The following KY variants were observed in gnomAD, a reference collection of about 807,000 sequenced individuals.
The protein encoded by KY is kyphoscoliosis peptidase.
A neutral mutation model predicts 76.1 loss-of-function variants in KY; 43 were observed. The ratio of observed to expected loss-of-function variants is 0.57; its 90% CI spans 0.44 to 0.73. The LOEUF is 0.73. KY is among the 30% of genes least tolerant of loss of function. The probability of loss-of-function intolerance (pLI) is 0.00; values close to 1 mark genes in which losing one functional copy is unlikely to be tolerated. For missense variants in KY, 722 were observed against 828.9 expected, an observed-to-expected ratio of 0.87 and a Z score of 1.58; for synonymous variants, 277 against 326.2, an observed-to-expected ratio of 0.85 and a Z score of 1.63.
rs371587266 is a variant in KY, at chr3:134,620,780, G to A, written c.561C>T (p.Arg187=). 1.3e-4 allele frequency: 204 copies of A among 1,613,704 alleles called. No homozygotes were observed. The African/African-American group carries it at 1.7e-3, about 13-fold the overall frequency. Reference sequence around the variant, plus strand: ...GATGGCAGATCCAGATCCAGATGGCGCGGACCCTTTCCAGGTCAGTGTGGG... The same window carrying A: ...GATGGCAGATCCAGATCCAGATGGCACGGACCCTTTCCAGGTCAGTGTGGG... ...QEAHTDLERV[R]AIWIWICHHI... is the part of the protein sequence containing the mutation. Residue 187 remains arginine (R), a synonymous_variant, in exon 7 of 11, where the codon CGC becomes CGT. Transcript: ENST00000423778.
chr3:134,632,882 A>G (rs4543053), intron 3 of KY, among the ~76,000 whole-genome samples: 92,743 of 151,744 alleles, frequency 0.61, 28,958 homozygotes, highest in East Asian at 0.85. Flanking sequence ...AAGAGGCAAG[A>G]CACAAATCAG....
Position 134,619,217 on chromosome 3 carries a change from G to A in KY, c.641C>T (p.Pro214Leu). Residue 214 changes from proline (P) to leucine (L), a missense_variant, in exon 8 of 11, where the codon CCC becomes CTC. Pro to Leu is a moderately conservative substitution (Grantham distance 98). Around this residue, in one of 2 missense-constraint regions of KY, gnomAD observed 552 missense variants for 680.9 expected, o/e 0.81. Transcript: ENST00000423778. ...CTTCTGGGTCCGCAGGATGTCAGTG[G>A]GTTTGAAGGCTTGGCGGTCCTTCTC... ...AQEKDRQAFKPTDILRTQKTN... is the reference protein window; with the variant it reads ...AQEKDRQAFKLTDILRTQKTN... 1.2e-6 allele frequency: 2 copies of A among 1,613,954 alleles called. No homozygotes were observed. Among genetic ancestry groups the A allele is most frequent in the Non-Finnish European group, 1.7e-6 (2 of 1,179,876 alleles).
At position 134,601,429 on chromosome 3, in the gene KY, A is replaced by G. The variant is rs973103335; in HGVS notation, c.*2150T>C. ...TGGGGGTCTCCAGCAGGACTAAGCG[A>G]GGCAGCCAGCGCGGGGTCCAGTGAG... On this transcript the variant is annotated 3_prime_UTR_variant, in exon 11 of 11. Transcript: ENST00000423778. 6.6e-6 allele frequency among the ~76,000 whole-genome samples: 1 copy of G among 152,216 alleles called. No individual in the cohort carries two copies. The highest frequency in any genetic ancestry group is 1.5e-5 in the Non-Finnish European group (1 of 68,044).
chr3:134,628,742 C>G (rs75082788), intron 4 of KY, among the ~76,000 whole-genome samples: 1 of 152,098 alleles, frequency 6.6e-6, no homozygotes, highest in Non-Finnish European at 1.5e-5. Flanking sequence ...GAGGCAGATT[C>G]GCTTATTTTC....
At position 134,603,794 on chromosome 3, in the gene KY, C is replaced by T. The variant is rs1959074344; in HGVS notation, c.1771G>A (p.Ala591Thr). 2 of 1,613,116 alleles carry T rather than the reference C, an allele frequency of 1.2e-6. No homozygotes were observed. Among genetic ancestry groups the T allele is most frequent in the East Asian group, 2.2e-5 (1 of 44,878 alleles). ...LLEPLSGVLP[A>T]NRNVPFKLKL... is the part of the protein sequence containing the mutation. The stretch of plus-strand genomic sequence containing the variant: ...AATTTGAATGGGACATTCCGGTTGG[C>T]AGGAAGCACACCTGACAGAGGTTCC... The change falls in exon 11 of 11, where the codon GCC (alanine) becomes ACC (threonine). Residue 591 changes from alanine (A) to threonine (T), a missense_variant. Coordinates refer to ENST00000423778, the MANE Select transcript of KY (RefSeq NM_178554.6).
intron 1 of KY, among the ~76,000 whole-genome samples, chr3:134,649,420 C>T (rs1389913392): frequency 2.0e-5 from 3 of 152,124 alleles, no homozygotes; most frequent in Admixed American, 2.0e-4. Context: ...GTAGGGGACT[C>T]GTGGGCTGAC....
chr3:134,609,175 G>C (rs1039827389), intron 9 of KY, among the ~76,000 whole-genome samples: 2 of 152,204 alleles, frequency 1.3e-5, no homozygotes, highest in Admixed American at 6.5e-5. Flanking sequence ...CAGTGGGGTC[G>C]TGGGAAGGCA....
intron 10 of KY, among the ~76,000 whole-genome samples, chr3:134,606,845 G>A (rs937548748): frequency 6.6e-6 from 1 of 151,014 alleles, no homozygotes; most frequent in Non-Finnish European, 1.5e-5. Flanking sequence ...CCCCTCCACG[G>A]CACTCTCCTA....
Position 134,608,716 on chromosome 3 carries a change from A to G in KY, c.1023T>C (p.Tyr341=), listed in dbSNP as rs753386220. Residue 341 remains tyrosine (Y), a synonymous_variant, in exon 10 of 11, where the codon TAT becomes TAC. Transcript: ENST00000423778. ...CTTTGTTGTAGAATTCACTCTTGTGATACATGTTGTTCTCAAACTGCCTCA... is the reference window on the plus strand; with the variant it reads ...CTTTGTTGTAGAATTCACTCTTGTGGTACATGTTGTTCTCAAACTGCCTCA... ...QSLRQFENNM[Y]HKSEFYNKGM... 1 of 1,613,878 alleles carries G rather than the reference A, an allele frequency of 6.2e-7. No homozygotes were observed. The highest frequency in any genetic ancestry group is 8.5e-7 in the Non-Finnish European group (1 of 1,179,888).
chr3:134,603,476 C>T lies in KY; in HGVS notation c.*103G>A. On this transcript the variant is annotated 3_prime_UTR_variant, in exon 11 of 11. Coordinates refer to ENST00000423778, the MANE Select transcript of KY (RefSeq NM_178554.6). ...TGAGGCAGAGGCCTAGAAGGGATTTCATGCAGACTCAGTGGTGTCCAGGGC... is the reference window on the plus strand; with the variant it reads ...TGAGGCAGAGGCCTAGAAGGGATTTTATGCAGACTCAGTGGTGTCCAGGGC... 2 of 1,031,776 alleles carry T rather than the reference C, an allele frequency of 1.9e-6. No individual in the cohort carries two copies. Among genetic ancestry groups the T allele is most frequent in the Non-Finnish European group, 2.8e-6 (2 of 706,932 alleles). 63.9% of individuals were successfully genotyped at this position (1,031,776 alleles called of 1,614,324 possible). A position where few individuals can be genotyped will look rare whatever the true frequency, so the allele number is the denominator to read the frequency against.
At chr3:134,619,619 C>T (rs1962231058) in intron 7 of KY, among the ~76,000 whole-genome samples, 1 of 152,200 alleles carries the variant, frequency 6.6e-6, no homozygotes, top group Admixed American at 6.5e-5. Context: ...TCCTGCAGCC[C>T]GAAGGCCTCA....
intron 2 of KY, 79 bp downstream of exon 2, chr3:134,647,356 C>A (rs879764127): frequency 1.7e-6 from 2 of 1,184,942 alleles, no homozygotes; most frequent in Non-Finnish European, 2.5e-6. Context: ...GGCTAGTCTT[C>A]AAATGAGTGA....
At position 134,620,200 on chromosome 3, in the gene KY, A is replaced by G. The variant is rs1457474387; in HGVS notation, c.592+549T>C. Among the ~76,000 whole-genome samples, 3 of 152,102 alleles carry G rather than the reference A, an allele frequency of 2.0e-5. No homozygotes were observed. In the East Asian group the frequency reaches 5.8e-4, roughly 29 times the overall value. Reference sequence around the variant, plus strand: ...AGCTTCCCAAGGCCATCCTGTGGAGAGCTGTGGGCAGCTGCATAGGCCCAG... The same window carrying G: ...AGCTTCCCAAGGCCATCCTGTGGAGGGCTGTGGGCAGCTGCATAGGCCCAG... On this transcript the variant is annotated intron_variant, in intron 7 of 10. Coordinates refer to ENST00000423778, the MANE Select transcript of KY (RefSeq NM_178554.6).
intron 1 of KY, among the ~76,000 whole-genome samples, chr3:134,647,776 A>T (rs1476320491): frequency 1.3e-5 from 2 of 151,986 alleles, no homozygotes; most frequent in Admixed American, 6.5e-5. Context: ...TTCCACTTCC[A>T]CCTCTCCACT....
In KY at chr3:134,610,475, C is replaced by T. The variant is rs537764808; in HGVS notation, c.711-92G>A. 1.3e-5 allele frequency: 14 copies of T among 1,050,110 alleles called. No homozygotes were observed. The South Asian group carries it at 2.1e-4, about 16-fold the overall frequency. 65.0% of individuals were successfully genotyped at this position (1,050,110 alleles called of 1,614,324 possible). A position where few individuals can be genotyped will look rare whatever the true frequency, so the allele number is the denominator to read the frequency against. On this transcript the variant is annotated intron_variant, in intron 8 of 10. Transcript: ENST00000423778. ...TCTCAGGTTTCAGGCATGTTTGCTG[C>T]CCATCAGTCCTCCCTGTCTATCCTT...
At chr3:134,637,341 T>C (rs1461491019) in intron 3 of KY, among the ~76,000 whole-genome samples, 1 of 152,238 alleles carries the variant, frequency 6.6e-6, no homozygotes, top group East Asian at 1.9e-4. Context: ...TTTCACTTTC[T>C]CCACCTCAAA....
chr3:134,626,456 C>T (rs556391519), intron 5 of KY, among the ~76,000 whole-genome samples: 11 of 152,182 alleles, frequency 7.2e-5, no homozygotes, highest in Admixed American at 2.6e-4. Flanking sequence ...GTGATGTTAG[C>T]GTCACACTGC....
intron 1 of KY, among the ~76,000 whole-genome samples, chr3:134,648,177 C>T (rs1012254921): frequency 2.6e-5 from 4 of 152,154 alleles, no homozygotes; most frequent in South Asian, 2.1e-4. Context: ...GAGATCCTGG[C>T]GCGGAAGGAG....
chr3:134,646,514 A>G (rs1966458154), intron 2 of KY, among the ~76,000 whole-genome samples: 1 of 152,222 alleles, frequency 6.6e-6, no homozygotes, highest in African/African-American at 2.4e-5. Context: ...ATTTAGAATC[A>G]TGCCTGGCAC....
Sources: allele counts gnomAD v4.1 joint callset (sites outside exome capture counted in the v4.1 genomes callset), GRCh38; gene constraint gnomAD v4.1.1; regional missense constraint gnomAD v4.1.1; transcripts MANE v1.5; gene names NCBI Gene and HGNC (gene_info 2026-07-23, HGNC 2026-07-21).